ANKS1B: variants seen among roughly 807,000 people sequenced by gnomAD.
The protein encoded by ANKS1B is ankyrin repeat and sterile alpha motif domain containing 1B, also known as ankyrin repeat and sterile alpha motif domain-containing protein 1B.
Under a neutral mutation model 148.3 loss-of-function variants are expected in ANKS1B, and 36 were observed. That is an observed-to-expected ratio of 0.24 (90% confidence interval 0.19 to 0.32). The LOEUF (loss-of-function observed/expected upper bound fraction) is 0.32. Among genes scored for constraint, ANKS1B ranks in the 10% least tolerant of loss-of-function variants. The pLI is 1.00. For synonymous variants in ANKS1B, 542 were observed against 560.8 expected, an observed-to-expected ratio of 0.97 and a Z score of 0.47; for missense variants, 1,157 against 1,542.6, an observed-to-expected ratio of 0.75 and a Z score of 4.19.
intron 9 of ANKS1B, chr12:99,648,318 C>A (rs151145389): frequency 1.2e-6 from 2 of 1,614,122 alleles, no homozygotes; most frequent in South Asian, 1.1e-5. Flanking sequence ...TGTTTGAGAG[C>A]GACTTTATCC....
intron 19 of ANKS1B, among the ~76,000 whole-genome samples, chr12:98,821,711 G>A (rs886591936): frequency 1.2e-4 from 19 of 152,138 alleles, no homozygotes; most frequent in African/African-American, 2.9e-4. Flanking sequence ...GGGTTCAAGT[G>A]GTTCTCATGC....
In ANKS1B at chr12:99,377,014, C is replaced by CT. The variant is rs944068854; in HGVS notation, c.1756+22616dup. Among the ~76,000 whole-genome samples the CT allele has an allele frequency of 2.6e-3, 378 of 145,520 alleles. 1 individual carries two copies. Among genetic ancestry groups the CT allele is most frequent in the Middle Eastern group, 0.011 (3 of 272 alleles). On this transcript the variant is annotated intron_variant, in intron 12 of 26. Transcript: ENST00000683438. ...ACACACACCCCACCCACACACCTAT[C>CT]TTTTTTTTTTTTGAGATGGAGTCTC...
intron 12 of ANKS1B, among the ~76,000 whole-genome samples, chr12:99,301,850 G>A (rs1343806554): frequency 6.6e-6 from 1 of 152,106 alleles, no homozygotes; most frequent in Non-Finnish European, 1.5e-5. Flanking sequence ...GCAACGGTAA[G>A]GCATTGGAGA....
At chr12:99,967,745 A>G (rs1374118382) in intron 1 of ANKS1B, among the ~76,000 whole-genome samples, 1 of 151,860 alleles carries the variant, frequency 6.6e-6, no homozygotes, top group African/African-American at 2.4e-5. Context: ...CGTCTCTACT[A>G]AAAATACAAA....
intron 17 of ANKS1B, among the ~76,000 whole-genome samples, chr12:98,948,646 C>T (rs2153060546): frequency 6.6e-6 from 1 of 152,044 alleles, no homozygotes; most frequent in South Asian, 2.1e-4. Flanking sequence ...TTTTTTGAGC[C>T]AGATACTGCT....
chr12:99,414,105 C>T (rs1427508100), intron 11 of ANKS1B, among the ~76,000 whole-genome samples: 1 of 151,438 alleles, frequency 6.6e-6, no homozygotes, highest in Non-Finnish European at 1.5e-5. Context: ...CACCATCAAT[C>T]AGAGCAGTTA....
At chr12:99,340,777 G>A (rs979117916) in intron 12 of ANKS1B, among the ~76,000 whole-genome samples, 1 of 151,894 alleles carries the variant, frequency 6.6e-6, no homozygotes, top group Non-Finnish European at 1.5e-5. Context: ...AAAATGCAAA[G>A]CACTATGTAA....
At chr12:99,289,758 T>C (rs2079651181) in intron 12 of ANKS1B, among the ~76,000 whole-genome samples, 1 of 151,838 alleles carries the variant, frequency 6.6e-6, no homozygotes, top group Admixed American at 6.6e-5. Context: ...AATCTATGGG[T>C]TATAGTAAAA....
At position 99,560,403 on chromosome 12, in the gene ANKS1B, A is replaced by T. The variant is rs184469277; in HGVS notation, c.1273-55762T>A. The stretch of plus-strand genomic sequence containing the variant: ...TTCTATGATTTTTTTTAAGAAAAAA[A>T]AAATCCAAATTCAGTTGCAGATCCT... On this transcript the variant is annotated intron_variant, in intron 9 of 26. Transcript: ENST00000683438. Among the ~76,000 whole-genome samples, 1,510 of 152,188 alleles carry T rather than the reference A, an allele frequency of 9.9e-3. 33 individuals carry two copies. The highest frequency in any genetic ancestry group is 0.035 in the African/African-American group (1,443 of 41,520).
intron 17 of ANKS1B, among the ~76,000 whole-genome samples, chr12:98,841,221 C>T (rs1482638130): frequency 1.3e-5 from 2 of 151,924 alleles, no homozygotes; most frequent in Non-Finnish European, 2.9e-5. Context: ...TTATGGTTAC[C>T]GAAATTCATT....
intron 1 of ANKS1B, among the ~76,000 whole-genome samples, chr12:99,866,100 C>T (rs2153723227): frequency 6.6e-6 from 1 of 152,206 alleles, no homozygotes; most frequent in East Asian, 1.9e-4. Context: ...AAACCGTAAG[C>T]CTGGTCACTA....
chr12:99,412,395 A>T (rs1385836361), intron 11 of ANKS1B, among the ~76,000 whole-genome samples: 2 of 152,164 alleles, frequency 1.3e-5, no homozygotes, highest in Non-Finnish European at 2.9e-5. Flanking sequence ...TGCTCCACAT[A>T]GGAGATGCTA....
At chr12:99,271,499 C>A (rs964354700) in intron 12 of ANKS1B, among the ~76,000 whole-genome samples, 1 of 151,204 alleles carries the variant, frequency 6.6e-6, no homozygotes, top group South Asian at 2.1e-4. Context: ...CATTAGTATC[C>A]CTAGCTTCTA....
At chr12:99,577,247 T>C (rs2097527874) in intron 9 of ANKS1B, among the ~76,000 whole-genome samples, 1 of 151,176 alleles carries the variant, frequency 6.6e-6, no homozygotes, top group East Asian at 1.9e-4. Flanking sequence ...ACTTAACAAA[T>C]GTCTTAAACA....
chr12:99,916,865 T>G (rs1215918577), intron 1 of ANKS1B, among the ~76,000 whole-genome samples: 1 of 152,224 alleles, frequency 6.6e-6, no homozygotes, highest in Non-Finnish European at 1.5e-5. Context: ...TAAATTTATT[T>G]TTGTAAGTCG....
At position 98,749,607 on chromosome 12, in the gene ANKS1B, CG is replaced by C. The variant is rs1175055038; in HGVS notation, c.3747+1747del. Reference sequence around the variant, plus strand: ...AAGATGAAGTCAGCCATGCAGAAACCGGGGGAGGATATTCCAGGTGTGGGGA... The same window carrying C: ...AAGATGAAGTCAGCCATGCAGAAACCGGGGAGGATATTCCAGGTGTGGGGA... On this transcript the variant is annotated intron_variant, in intron 26 of 26. Coordinates refer to ENST00000683438, the MANE Select transcript of ANKS1B (RefSeq NM_001352186.2). 7.2e-5 allele frequency among the ~76,000 whole-genome samples: 11 copies of C among 152,118 alleles called. No homozygotes were observed. The East Asian group carries it at 2.1e-3, about 29-fold the overall frequency.
chr12:98,957,314 T>A (rs2099863996), intron 17 of ANKS1B, among the ~76,000 whole-genome samples: 1 of 31,150 alleles, frequency 3.2e-5, no homozygotes, highest in Non-Finnish European at 5.9e-5. Flanking sequence ...TTTTTAAATA[T>A]TTATTTATTT....
chr12:99,967,907 CA>C (rs71436975), intron 1 of ANKS1B, among the ~76,000 whole-genome samples: 46,372 of 106,688 alleles, frequency 0.43, 8,405 homozygotes, highest in African/African-American at 0.6. Context: ...AACTCCGTCT[CA>C]AAAAAAAAAA....
intron 8 of ANKS1B, among the ~76,000 whole-genome samples, chr12:99,758,823 C>T (rs1339971709): frequency 6.6e-6 from 1 of 151,798 alleles, no homozygotes; most frequent in Non-Finnish European, 1.5e-5. Context: ...ATGATAATTA[C>T]TATGACAGTA....
Sources: allele counts gnomAD v4.1 joint callset (sites outside exome capture counted in the v4.1 genomes callset), GRCh38; gene constraint gnomAD v4.1.1; transcripts MANE v1.5; gene names NCBI Gene and HGNC (gene_info 2026-07-23, HGNC 2026-07-21).